MARCHF1: variants seen among roughly 807,000 people sequenced by gnomAD.
The protein encoded by MARCHF1 is E3 ubiquitin-protein ligase MARCHF1.
Under a neutral mutation model 54.2 loss-of-function variants are expected in MARCHF1, and 40 were observed. The observed-to-expected ratio is 0.74, with a 90% CI of 0.57 to 0.96. MARCHF1 has a LOEUF of 0.96. Among genes scored for constraint, MARCHF1 ranks in the 40% least tolerant of loss-of-function variants. The pLI, the probability that MARCHF1 is intolerant of heterozygous loss-of-function variation, is 0.00. For synonymous variants in MARCHF1, 236 were observed against 236.3 expected (o/e 1.00, Z 0.01); for missense variants, 586 against 656.5 (o/e 0.89, Z 1.17).
intron 9 of MARCHF1, chr4:163,530,741 T>A (rs1003662675): frequency 3.3e-5 from 5 of 151,970 alleles, no homozygotes; most frequent in Non-Finnish European, 5.9e-5. Flanking sequence ...GCAATCAAAT[T>A]TATTAGAACC....
intron 1 of MARCHF1, among the ~76,000 whole-genome samples, chr4:164,324,975 C>A: frequency 6.6e-6 from 1 of 151,012 alleles, no homozygotes; most frequent in South Asian, 2.1e-4. Flanking sequence ...AATAAATTTC[C>A]AAGAATAACC....
In MARCHF1 at chr4:164,052,369, T is replaced by C. The variant is rs373138420; in HGVS notation, c.-248+59219A>G. On this transcript the variant is annotated intron_variant, in intron 2 of 9. Coordinates refer to ENST00000514618, the MANE Select transcript of MARCHF1 (RefSeq NM_001394959.1). ...CAACATGGTAAAGCCACATCTTTAC[T>C]AAAAATACAAAAATTAGCTGGGCGT... Among the ~76,000 whole-genome samples the C allele has an allele frequency of 7.9e-5, 12 of 152,080 alleles. No homozygotes were observed. In the East Asian group the frequency reaches 1.6e-3, roughly 20 times the overall value.
chr4:164,225,757 C>A (rs1365056618), intron 1 of MARCHF1, among the ~76,000 whole-genome samples: 1 of 151,948 alleles, frequency 6.6e-6, no homozygotes, highest in Non-Finnish European at 1.5e-5. Flanking sequence ...AATGGTACAA[C>A]CATGTTGAAA....
At chr4:164,023,686 C>T (rs1228973469) in intron 2 of MARCHF1, among the ~76,000 whole-genome samples, 2 of 152,148 alleles carry the variant, frequency 1.3e-5, no homozygotes, top group Admixed American at 6.5e-5. Context: ...CCAGTATCCC[C>T]TTACCTTCAA....
intron 1 of MARCHF1, among the ~76,000 whole-genome samples, chr4:164,212,125 AGAG>A (rs1731794010): frequency 6.6e-6 from 1 of 151,992 alleles, no homozygotes; most frequent in Non-Finnish European, 1.5e-5. Context: ...AAAAGAAGGA[AGAG>A]GAGGAGAAAG....
At chr4:164,280,066 T>C (rs1478047314) in intron 1 of MARCHF1, among the ~76,000 whole-genome samples, 2 of 151,912 alleles carry the variant, frequency 1.3e-5, no homozygotes, top group Admixed American at 1.3e-4. Flanking sequence ...AAGAGCATAT[T>C]TGATTAACTT....
chr4:163,640,685 A>G (rs570116960), intron 5 of MARCHF1, among the ~76,000 whole-genome samples: 1 of 152,282 alleles, frequency 6.6e-6, no homozygotes, highest in East Asian at 1.9e-4. Flanking sequence ...CTGTTCTATT[A>G]TATCCACCAA....
chr4:164,222,080 T>C (rs886606468), intron 1 of MARCHF1, among the ~76,000 whole-genome samples: 2 of 152,034 alleles, frequency 1.3e-5, no homozygotes, highest in African/African-American at 4.8e-5. Context: ...TATAATTTAA[T>C]AAGAAAGAAG....
chr4:163,953,857 C>G (rs1579418515), intron 3 of MARCHF1, among the ~76,000 whole-genome samples: 1 of 152,112 alleles, frequency 6.6e-6, no homozygotes, highest in Admixed American at 6.5e-5. Context: ...CTGCATTTTT[C>G]TTACAATGGC....
intron 4 of MARCHF1, among the ~76,000 whole-genome samples, chr4:163,839,979 T>C (rs879495009): frequency 3.3e-5 from 5 of 151,860 alleles, no homozygotes; most frequent in Admixed American, 3.3e-4. Flanking sequence ...GCAAGAAATA[T>C]CACAAAAAAA....
chr4:164,089,295 C>T (rs1755252589), intron 2 of MARCHF1, among the ~76,000 whole-genome samples: 1 of 151,996 alleles, frequency 6.6e-6, no homozygotes, highest in Non-Finnish European at 1.5e-5. Flanking sequence ...TTTTAGAAAT[C>T]AAATATAAAT....
chr4:163,834,006 G>T (rs1369598392), intron 4 of MARCHF1, among the ~76,000 whole-genome samples: 1 of 152,068 alleles, frequency 6.6e-6, no homozygotes, highest in Non-Finnish European at 1.5e-5. Flanking sequence ...CAAGCAAAAA[G>T]GCAATGGATA....
At chr4:164,145,424 T>C (rs1292765369) in intron 1 of MARCHF1, among the ~76,000 whole-genome samples, 1 of 152,078 alleles carries the variant, frequency 6.6e-6, no homozygotes, top group East Asian at 1.9e-4. Flanking sequence ...AAATCCTCAG[T>C]ATAATACTGG....
At chr4:163,545,811 C>A in intron 8 of MARCHF1, 68 bp from the exon 9 acceptor site, 1 of 1,440,058 alleles carries the variant, frequency 6.9e-7, no homozygotes, top group Non-Finnish European at 9.7e-7. Flanking sequence ...CTTTTATTTC[C>A]CAGACACAGA....
chr4:163,810,040 T>C (rs1748341328), intron 4 of MARCHF1, among the ~76,000 whole-genome samples: 1 of 151,450 alleles, frequency 6.6e-6, no homozygotes, highest in African/African-American at 2.4e-5. Flanking sequence ...ACACTGACAG[T>C]TGGAATTCTT....
At chr4:164,134,368 C>T (rs776219866) in intron 1 of MARCHF1, among the ~76,000 whole-genome samples, 20 of 152,156 alleles carry the variant, frequency 1.3e-4, no homozygotes, top group Non-Finnish European at 2.4e-4. Flanking sequence ...CTGCTGAAAG[C>T]AGTACTTGTT....
At chr4:164,364,283 G>T (rs570151857) in intron 1 of MARCHF1, among the ~76,000 whole-genome samples, 1 of 152,020 alleles carries the variant, frequency 6.6e-6, no homozygotes, top group Admixed American at 6.6e-5. Flanking sequence ...CAGTAAAAAC[G>T]TGAGTAAAGG....
intron 4 of MARCHF1, among the ~76,000 whole-genome samples, chr4:163,752,068 T>C (rs1374069605): frequency 3.9e-5 from 6 of 152,182 alleles, no homozygotes; most frequent in African/African-American, 1.4e-4. Context: ...TAACTCATAA[T>C]AGGGACTTAT....
At chr4:164,108,505 T>C (rs775741596) in intron 2 of MARCHF1, among the ~76,000 whole-genome samples, 1 of 152,070 alleles carries the variant, frequency 6.6e-6, no homozygotes, top group Admixed American at 6.6e-5. Flanking sequence ...ACTTATAACA[T>C]AGTCTGCACT....
Sources: allele counts gnomAD v4.1 joint callset (sites outside exome capture counted in the v4.1 genomes callset), GRCh38; gene constraint gnomAD v4.1.1; transcripts MANE v1.5; gene names NCBI Gene and HGNC (gene_info 2026-07-23, HGNC 2026-07-21).